CDH13: variants seen among roughly 807,000 people sequenced by gnomAD.
CDH13 encodes the protein cadherin 13, also known as cadherin-13.
Under a neutral mutation model 63.8 loss-of-function variants are expected in CDH13, and 24 were observed. That is an observed-to-expected ratio of 0.38 (90% CI 0.27 to 0.53). The LOEUF (loss-of-function observed/expected upper bound fraction) is 0.53. Among genes scored for constraint, CDH13 ranks in the 20% least tolerant of loss-of-function variants. The pLI is 0.85. For synonymous variants in CDH13, 503 were observed against 355.3 expected, an observed-to-expected ratio of 1.42 and a Z score of -4.67; for missense variants, 1,049 against 903.1, an observed-to-expected ratio of 1.16 and a Z score of -2.07.
intron 7 of CDH13, among the ~76,000 whole-genome samples, chr16:83,502,161 C>T (rs1007538883): frequency 6.6e-6 from 1 of 152,138 alleles, no homozygotes; most frequent in Admixed American, 6.5e-5. Context: ...AATATGTTAC[C>T]TTACAGGGCA....
At chr16:82,721,764 A>G (rs1306604082) in intron 1 of CDH13, among the ~76,000 whole-genome samples, 4 of 152,212 alleles carry the variant, frequency 2.6e-5, no homozygotes, top group East Asian at 3.9e-4. Context: ...TAGGAATTGT[A>G]GGCACTGTAC....
intron 8 of CDH13, among the ~76,000 whole-genome samples, chr16:83,618,160 C>T (rs576075788): frequency 6.6e-6 from 1 of 150,698 alleles, no homozygotes; most frequent in Non-Finnish European, 1.5e-5. Context: ...CATGGTGGCT[C>T]ATGCCTGTAA....
chr16:82,642,263 AGGTTAGACTATAAGGTCAG>A (rs1280894083), intron 1 of CDH13, among the ~76,000 whole-genome samples: 1 of 152,128 alleles, frequency 6.6e-6, no homozygotes, highest in Admixed American at 6.6e-5. Context: ...TTTAACTCAG[AGGTTAGACTATAAGGTCAG>A]GGTTTTAGGC....
chr16:83,236,105 T>G (rs1306993271), intron 5 of CDH13, among the ~76,000 whole-genome samples: 2 of 152,190 alleles, frequency 1.3e-5, no homozygotes, highest in African/African-American at 4.8e-5. Flanking sequence ...GTCTCCAAAG[T>G]ATGTGGACGC....
At chr16:82,946,171 A>G (rs987099676) in intron 2 of CDH13, among the ~76,000 whole-genome samples, 1 of 151,402 alleles carries the variant, frequency 6.6e-6, no homozygotes, top group Non-Finnish European at 1.5e-5. Flanking sequence ...CTATTTGTTG[A>G]TTAAATTAAT....
intron 5 of CDH13, among the ~76,000 whole-genome samples, chr16:83,268,484 T>G (rs2088693069): frequency 6.6e-6 from 1 of 152,194 alleles, no homozygotes; most frequent in Non-Finnish European, 1.5e-5. Flanking sequence ...GATAGGTACT[T>G]CTTTCCAATC....
At chr16:83,071,917 A>T (rs555948265) in intron 3 of CDH13, among the ~76,000 whole-genome samples, 1 of 152,174 alleles carries the variant, frequency 6.6e-6, no homozygotes, top group South Asian at 2.1e-4. Flanking sequence ...TCCATCATCT[A>T]TGTGGTCATC....
At chr16:82,691,171 C>T (rs533314946) in intron 1 of CDH13, among the ~76,000 whole-genome samples, 5 of 152,278 alleles carry the variant, frequency 3.3e-5, no homozygotes, top group Middle Eastern at 3.4e-3. Flanking sequence ...CAGGGACCCT[C>T]GTGGAGGTGT....
chr16:83,513,548 A>G (rs2074625092), intron 7 of CDH13, among the ~76,000 whole-genome samples: 1 of 152,216 alleles, frequency 6.6e-6, no homozygotes, highest in Non-Finnish European at 1.5e-5. Context: ...CAGGAGACTT[A>G]CAATCATGGC....
chr16:83,533,991 A>G (rs1014491533), intron 7 of CDH13, among the ~76,000 whole-genome samples: 3 of 152,344 alleles, frequency 2.0e-5, no homozygotes, highest in Non-Finnish European at 4.4e-5. Flanking sequence ...TTCACATGAC[A>G]TAAAAATTAA....
chr16:83,092,112 A>G (rs942264923), intron 3 of CDH13, among the ~76,000 whole-genome samples: 4 of 152,208 alleles, frequency 2.6e-5, no homozygotes, highest in Non-Finnish European at 5.9e-5. Context: ...ATATCACTGC[A>G]TTCATTTCTC....
chr16:82,733,714 G>A (rs2033522157), intron 1 of CDH13, among the ~76,000 whole-genome samples: 4 of 152,210 alleles, frequency 2.6e-5, no homozygotes, highest in Admixed American at 2.6e-4. Context: ...TAAGGCTTAT[G>A]CTTTTAAGCA....
intron 2 of CDH13, among the ~76,000 whole-genome samples, chr16:83,007,131 A>G (rs770125309): frequency 6.6e-6 from 1 of 152,150 alleles, no homozygotes; most frequent in Non-Finnish European, 1.5e-5. Context: ...CATGTTGGTC[A>G]GGCTGGTCTT....
intron 5 of CDH13, among the ~76,000 whole-genome samples, chr16:83,264,862 T>C (rs747276611): frequency 2.6e-5 from 4 of 152,128 alleles, no homozygotes; most frequent in African/African-American, 9.7e-5. Context: ...ACTAAAGATA[T>C]GGCTGTCAAA....
At chr16:83,209,560 T>C (rs935409569) in intron 4 of CDH13, among the ~76,000 whole-genome samples, 8 of 152,126 alleles carry the variant, frequency 5.3e-5, no homozygotes, top group African/African-American at 1.7e-4. Context: ...AGACCTTATT[T>C]TTAATTTGTG....
chr16:83,696,446 G>A (rs781703075), intron 10 of CDH13, among the ~76,000 whole-genome samples: 2 of 152,074 alleles, frequency 1.3e-5, no homozygotes, highest in Non-Finnish European at 1.5e-5. Flanking sequence ...ATCCAATAGA[G>A]TGAGCACATG....
At chr16:83,023,120 C>T (rs1411706460) in intron 2 of CDH13, 4 of 152,224 alleles carry the variant, frequency 2.6e-5, no homozygotes, top group East Asian at 1.9e-4. Flanking sequence ...CCCCTTAATT[C>T]ACATGTCAAA....
At chr16:82,845,049 C>T (rs1163145395) in intron 1 of CDH13, among the ~76,000 whole-genome samples, 1 of 152,056 alleles carries the variant, frequency 6.6e-6, no homozygotes, top group African/African-American at 2.4e-5. Context: ...AAATCAGAGC[C>T]TGAGAGGAGA....
chr16:83,240,836 A>C (rs1904373433), intron 5 of CDH13, among the ~76,000 whole-genome samples: 1 of 146,812 alleles, frequency 6.8e-6, no homozygotes, highest in South Asian at 2.3e-4. Context: ...AGCTGGGCCT[A>C]CAGGTGTGGA....
Sources: allele counts gnomAD v4.1 joint callset (sites outside exome capture counted in the v4.1 genomes callset), GRCh38; gene constraint gnomAD v4.1.1; transcripts MANE v1.5; gene names NCBI Gene and HGNC (gene_info 2026-07-23, HGNC 2026-07-21).